Variants in SART3 observed in about 807,000 individuals in gnomAD.
SART3 encodes spliceosome associated factor 3, U4/U6 recycling protein.
A neutral mutation model predicts 122.3 loss-of-function variants in SART3; 44 were observed. That is an observed-to-expected ratio of 0.36 (90% CI 0.28 to 0.46). The LOEUF (loss-of-function observed/expected upper bound fraction) is 0.46. Ranked by LOEUF, SART3 falls within the 20% of genes least tolerant of loss-of-function variation. The probability of loss-of-function intolerance (pLI) is 1.00; values close to 1 mark genes in which losing one functional copy is unlikely to be tolerated. For missense variants in SART3, 1,101 were observed against 1,229.0 expected (o/e 0.90, Z 1.56); for synonymous variants, 442 against 454.0 (o/e 0.97, Z 0.34).
chr12:108,546,008 T>G (rs1231178949), intron 3 of SART3, among the ~76,000 whole-genome samples: 7 of 151,256 alleles, frequency 4.6e-5, no homozygotes, highest in Non-Finnish European at 1.0e-4. Context: ...TAGTTTTATA[T>G]TCATAAAACA....
At chr12:108,558,816 G>A (rs1420426411) in intron 1 of SART3, among the ~76,000 whole-genome samples, 1 of 151,978 alleles carries the variant, frequency 6.6e-6, no homozygotes, top group Middle Eastern at 3.2e-3. Flanking sequence ...GGCGGATCAC[G>A]AGGTCAGGAG....
chr12:108,547,390 T>C (rs969396780), intron 3 of SART3, among the ~76,000 whole-genome samples: 2 of 152,180 alleles, frequency 1.3e-5, no homozygotes, highest in African/African-American at 4.8e-5. Flanking sequence ...TTTTTTCCCA[T>C]TGTTCCAAGG....
intron 14 of SART3, among the ~76,000 whole-genome samples, chr12:108,530,849 C>T (rs1221028900): frequency 6.7e-6 from 1 of 149,134 alleles, no homozygotes; most frequent in Non-Finnish European, 1.5e-5. Flanking sequence ...CAGAGCGAGA[C>T]TCCGTCTCAA....
In SART3 at chr12:108,531,297, G is replaced by A. The variant is rs767142637; in HGVS notation, c.1670-17C>T. On this transcript the variant is annotated splice_polypyrimidine_tract_variant and intron_variant, in intron 13 of 18. Transcript: ENST00000546815. ...CTAAAGAACCTTGAAAGAAAGAGAA[G>A]CAAAACTTTCACTCTTTAGGATTTT... 3.7e-6 allele frequency: 6 copies of A among 1,602,172 alleles called. No homozygotes were observed. Among genetic ancestry groups the A allele is most frequent in the Non-Finnish European group, 3.4e-6 (4 of 1,169,394 alleles).
At chr12:108,524,095 G>A in intron 18 of SART3, 1 of 599,240 alleles carries the variant, frequency 1.7e-6, no homozygotes, top group East Asian at 2.8e-5. Flanking sequence ...TAAATGACAA[G>A]TGTAAATTGG....
In SART3 at chr12:108,530,211, T is replaced by C; in HGVS notation, c.1846A>G (p.Lys616Glu). The change falls in exon 15 of 19, where the codon AAG becomes GAG. Residue 616 changes from lysine to glutamate, a missense_variant. Transcript: ENST00000546815. ...AEKKALKKKKKIRGPEKRGAD... is the reference protein window; with the variant it reads ...AEKKALKKKKEIRGPEKRGAD... ...CCGCGCTTCTCTGGGCCTCTGATCT[T>C]TTTCTTCTTTTTTAACGCTTTCTTC... 1.9e-6 allele frequency: 3 copies of C among 1,614,182 alleles called. No individual in the cohort carries two copies. Among genetic ancestry groups the C allele is most frequent in the Non-Finnish European group, 2.5e-6 (3 of 1,180,024 alleles).
intron 11 of SART3, 66 bp from the exon 12 acceptor site, chr12:108,535,534 C>T (rs1264727005): frequency 7.2e-6 from 9 of 1,250,508 alleles, no homozygotes; most frequent in Non-Finnish European, 1.1e-5. Flanking sequence ...TCATACAACA[C>T]ACTTCCAACA....
At position 108,549,079 on chromosome 12, in the gene SART3, G is replaced by A. The variant is rs757745908; in HGVS notation, c.439+9C>T. 1 of 1,614,004 alleles carries A rather than the reference G, an allele frequency of 6.2e-7. No individual in the cohort carries two copies. On this transcript the variant is annotated intron_variant, in intron 2 of 18. Coordinates refer to ENST00000546815, the MANE Select transcript of SART3 (RefSeq NM_014706.4). ...TGTTTCTAAAAGCAGCCTGACTGCT[G>A]AAGCTTACCTTCAGTCAAGGGAAAG...
chr12:108,523,753 A>AG, intron 18 of SART3, 119 bp from the exon 19 acceptor site: 1 of 950,516 alleles, frequency 1.1e-6, no homozygotes, highest in African/African-American at 1.7e-5. Flanking sequence ...GAAAAAAAAA[A>AG]AGGATAAGAT....
intron 15 of SART3, among the ~76,000 whole-genome samples, chr12:108,529,213 G>T (rs1363074585): frequency 2.0e-5 from 3 of 152,212 alleles, no homozygotes; most frequent in Non-Finnish European, 4.4e-5. Context: ...GGAACTGGAG[G>T]TATTGGTGTG....
intron 13 of SART3, chr12:108,531,977 C>G: frequency 4.1e-6 from 2 of 486,136 alleles, no homozygotes; most frequent in Non-Finnish European, 7.6e-6. Context: ...ACGCACAGTC[C>G]CCCCCACAGA....
chr12:108,559,864 G>A (rs1375519481), intron 1 of SART3, among the ~76,000 whole-genome samples: 2 of 152,086 alleles, frequency 1.3e-5, no homozygotes, highest in Non-Finnish European at 2.9e-5. Context: ...AAGAAAGAGA[G>A]GTCAGGGTAT....
chr12:108,545,140 C>T lies in SART3; in HGVS notation c.728G>A (p.Arg243Gln), dbSNP rs371173853. ...TCAGAGACAACCACAGGTACTCACC[C>T]GAGCAGCTTCCACAATCGCACTTTC... ...EFESAIVEAA[R>Q]LEKVHSLFRR... The change falls in exon 4 of 19, where the codon CGG becomes CAG. Residue 243 changes from arginine (R) to glutamine (Q), a missense_variant and splice_region_variant. This residue lies in a region of SART3 where 885 missense variants were observed against 1,080.1 expected (regional missense o/e 0.82). Coordinates refer to ENST00000546815, the MANE Select transcript of SART3 (RefSeq NM_014706.4). 54 of 1,614,038 alleles carry T rather than the reference C, an allele frequency of 3.3e-5. No individual in the cohort carries two copies. The highest frequency in any genetic ancestry group is 3.0e-4 in the South Asian group (27 of 91,056).
At chr12:108,530,731 A>C (rs1046283177) in intron 14 of SART3, among the ~76,000 whole-genome samples, 1 of 152,112 alleles carries the variant, frequency 6.6e-6, no homozygotes, top group Admixed American at 6.5e-5. Flanking sequence ...GGTAGCGGGC[A>C]CCTGTAGTCC....
At position 108,532,335 on chromosome 12, in the gene SART3, C is replaced by G; in HGVS notation, c.1557-1G>C. 1 of 1,613,730 alleles carries G rather than the reference C, an allele frequency of 6.2e-7. No individual in the cohort carries two copies. The highest frequency in any genetic ancestry group is 8.5e-7 in the Non-Finnish European group (1 of 1,179,934). On this transcript the variant is annotated splice_acceptor_variant, in intron 12 of 18. Coordinates refer to ENST00000546815, the MANE Select transcript of SART3 (RefSeq NM_014706.4). LOFTEE classifies it high-confidence loss of function. ...GCAGTGCTGGGTGTCACCATGAGCT[C>G]TAAGGCAGAAAACAAAAAGTTGCTG...
intron 7 of SART3, among the ~76,000 whole-genome samples, chr12:108,538,632 A>C (rs1318143518): frequency 6.6e-6 from 1 of 152,232 alleles, no homozygotes; most frequent in African/African-American, 2.4e-5. Context: ...CAGAAGTTTC[A>C]TTTTACTGAT....
chr12:108,560,422 A>G (rs1313580614), intron 1 of SART3: 5 of 282,216 alleles, frequency 1.8e-5, no homozygotes, highest in East Asian at 6.1e-5. Flanking sequence ...CACAAGTTTC[A>G]TCATCGCCGT....
At chr12:108,528,943 G>A (rs1033388419) in intron 15 of SART3, among the ~76,000 whole-genome samples, 7 of 152,218 alleles carry the variant, frequency 4.6e-5, no homozygotes, top group African/African-American at 7.2e-5. Flanking sequence ...CCAACATGGC[G>A]AAACCTGATC....
In SART3 at chr12:108,545,206, A is replaced by G. The variant is rs151072438; in HGVS notation, c.662T>C (p.Met221Thr). The change falls in exon 4 of 19, where the codon ATG becomes ACG. Residue 221 changes from methionine (M) to threonine (T), a missense_variant. This residue lies in a region of SART3 where 885 missense variants were observed against 1,080.1 expected (regional missense o/e 0.82). Transcript: ENST00000546815. ...CTCCCAGAGGGCGAGTCCTTTGGTCATATGTAAACCAACAGACGAGAGAGC... is the reference window on the plus strand; with the variant it reads ...CTCCCAGAGGGCGAGTCCTTTGGTCGTATGTAAACCAACAGACGAGAGAGC... ...ERALSSVGLH[M>T]TKGLALWEAY... is the part of the protein sequence containing the mutation. The G allele has an allele frequency of 1.9e-6, 3 of 1,614,176 alleles. No homozygotes were observed. The highest frequency in any genetic ancestry group is 2.2e-5 in the South Asian group (2 of 91,068).
Sources: gnomAD v4.1 joint callset for allele counts (sites outside exome capture counted in the v4.1 genomes callset) on GRCh38, gnomAD v4.1.1 for gene constraint, gnomAD v4.1.1 regional missense constraint, MANE v1.5 for transcripts, NCBI Gene and HGNC (gene_info 2026-07-23, HGNC 2026-07-21) for gene names.